TRPV1: variants seen among roughly 807,000 people sequenced by gnomAD.
The protein encoded by TRPV1 is transient receptor potential cation channel subfamily V member 1.
Under a neutral mutation model 82.3 loss-of-function variants are expected in TRPV1, and 82 were observed. That is an observed-to-expected ratio of 1.00 (90% CI 0.83 to 1.20). The LOEUF (loss-of-function observed/expected upper bound fraction) is 1.20. Among genes scored for constraint, TRPV1 ranks in the 50% most tolerant of loss-of-function variants. The pLI, the probability that TRPV1 is intolerant of heterozygous loss-of-function variation, is 0.00. For missense variants in TRPV1, 1,067 were observed against 1,096.8 expected (o/e 0.97, Z 0.38); for synonymous variants, 515 against 467.7 (o/e 1.10, Z -1.30).
chr17:3,577,796 G>C lies in TRPV1; in HGVS notation c.1548-33C>G, dbSNP rs565878520. On this transcript the variant is annotated intron_variant, in intron 11 of 16. Transcript: ENST00000572705. ...TGGAGGGGCAGAAAGCTCCGTCTAC[G>C]GGAACCCAGGAGGCCTGGCACCCCC... 5.7e-6 allele frequency: 9 copies of C among 1,566,450 alleles called. No individual in the cohort carries two copies. The East Asian group carries it at 1.9e-4, about 33-fold the overall frequency.
chr17:3,567,593 C>T (rs1191606776), intron 16 of TRPV1, among the ~76,000 whole-genome samples: 1 of 151,850 alleles, frequency 6.6e-6, no homozygotes, highest in Non-Finnish European at 1.5e-5. Context: ...CCCCTCTCGG[C>T]CTCCATCTCC....
At chr17:3,567,050 C>A in intron 16 of TRPV1, 63 bp from the exon 17 acceptor site, 1 of 1,570,814 alleles carries the variant, frequency 6.4e-7, no homozygotes, top group Admixed American at 1.8e-5. Flanking sequence ...CTTGGCCTCC[C>A]AAGTCTCCAG....
At chr17:3,593,279 G>A (rs2075185265) in intron 2 of TRPV1, among the ~76,000 whole-genome samples, 1 of 152,132 alleles carries the variant, frequency 6.6e-6, no homozygotes. Context: ...CACCATGCGT[G>A]GCTAATGTTT....
intron 9 of TRPV1, among the ~76,000 whole-genome samples, chr17:3,584,575 C>G (rs1220527433): frequency 1.3e-5 from 2 of 151,976 alleles, no homozygotes; most frequent in African/African-American, 4.8e-5. Context: ...GGCAGGCGAT[C>G]ACTTGAGGTC....
At chr17:3,582,997 C>A (rs976447766) in intron 10 of TRPV1, among the ~76,000 whole-genome samples, 2 of 151,558 alleles carry the variant, frequency 1.3e-5, no homozygotes, top group Admixed American at 1.3e-4. Context: ...CTTCACTGCT[C>A]AGAGCTTTAA....
At position 3,606,830 on chromosome 17, in the gene TRPV1, G is replaced by A. The variant is rs77410674; in HGVS notation, c.-34+1597C>T. ...GGGGCCACACCAGGCACAAGGCTGGGCTGCCTGAGCTTGCTGGATGTCCAT... is the reference window on the plus strand; with the variant it reads ...GGGGCCACACCAGGCACAAGGCTGGACTGCCTGAGCTTGCTGGATGTCCAT... On this transcript the variant is annotated intron_variant, in intron 2 of 16. Coordinates refer to ENST00000572705, the MANE Select transcript of TRPV1 (RefSeq NM_080704.4). 8.9e-4 allele frequency among the ~76,000 whole-genome samples: 135 copies of A among 152,296 alleles called. 4 individuals are homozygous for A. In the East Asian group the frequency reaches 0.023, roughly 26 times the overall value.
intron 16 of TRPV1, among the ~76,000 whole-genome samples, chr17:3,568,978 G>C (rs1002468529): frequency 5.9e-5 from 9 of 152,322 alleles, no homozygotes; most frequent in Non-Finnish European, 8.8e-5. Flanking sequence ...GGACATGGGT[G>C]AAGCTGGAAA....
At chr17:3,578,447 C>T (rs940299596) in intron 11 of TRPV1, 4 of 152,216 alleles carry the variant, frequency 2.6e-5, no homozygotes, top group African/African-American at 7.2e-5. Flanking sequence ...GTCAGGAGTT[C>T]AAGACCAGCC....
At chr17:3,598,489 C>T (rs2075237883) in intron 2 of TRPV1, among the ~76,000 whole-genome samples, 1 of 151,902 alleles carries the variant, frequency 6.6e-6, no homozygotes, top group African/African-American at 2.4e-5. Context: ...ATTGCCCAGG[C>T]CGCACGTTGG....
chr17:3,580,562 A>G, intron 10 of TRPV1, 35 bp from the exon 11 acceptor site: 4 of 1,610,402 alleles, frequency 2.5e-6, no homozygotes, highest in Non-Finnish European at 3.4e-6. Flanking sequence ...ATCCCAGGCA[A>G]TGCTCGATGT....
At chr17:3,570,953 G>T (rs2074844327) in intron 16 of TRPV1, among the ~76,000 whole-genome samples, 1 of 152,156 alleles carries the variant, frequency 6.6e-6, no homozygotes, top group Non-Finnish European at 1.5e-5. Context: ...CCGGCCTCAG[G>T]TGATCCACCC....
intron 2 of TRPV1, among the ~76,000 whole-genome samples, chr17:3,605,118 G>T (rs908469832): frequency 6.6e-6 from 1 of 152,060 alleles, no homozygotes; most frequent in Non-Finnish European, 1.5e-5. Flanking sequence ...TTCGCTCTGG[G>T]GTTTGAATCC....
intron 2 of TRPV1, among the ~76,000 whole-genome samples, chr17:3,603,913 T>G (rs983589761): frequency 6.6e-6 from 1 of 152,028 alleles, no homozygotes; most frequent in Non-Finnish European, 1.5e-5. Context: ...AGCAGAGCAG[T>G]AGGGTCAACA....
chr17:3,576,148 G>C (rs1267515276), intron 13 of TRPV1, among the ~76,000 whole-genome samples: 1 of 152,036 alleles, frequency 6.6e-6, no homozygotes. Flanking sequence ...CTTGAACCCT[G>C]GAAGTGGAGG....
intron 8 of TRPV1, 45 bp downstream of exon 8, chr17:3,588,143 T>A: frequency 6.5e-7 from 1 of 1,532,100 alleles, no homozygotes; most frequent in Non-Finnish European, 8.8e-7. Context: ...GGGGCTTGGG[T>A]GCAGAGGCCC....
At chr17:3,601,956 G>A (rs1470619292) in intron 2 of TRPV1, 1 of 152,082 alleles carries the variant, frequency 6.6e-6, no homozygotes, top group East Asian at 1.9e-4. Flanking sequence ...TATGGCAACG[G>A]GCACAGTACT....
Position 3,571,647 on chromosome 17 carries a change from G to GT in TRPV1, c.2232-9dup. ...CAGTTCACCTCGTCCACCCTGCAGG[G>GT]TAAGGGGTCGGGAGAGCCTGAGAGC... On this transcript the variant is annotated splice_polypyrimidine_tract_variant and intron_variant, in intron 15 of 16. Coordinates refer to ENST00000572705, the MANE Select transcript of TRPV1 (RefSeq NM_080704.4). The GT allele has an allele frequency of 6.3e-7, 1 of 1,598,480 alleles. No individual in the cohort carries two copies. The highest frequency in any genetic ancestry group is 8.5e-7 in the Non-Finnish European group (1 of 1,171,638).
chr17:3,581,149 T>C (rs1243570735), intron 10 of TRPV1, among the ~76,000 whole-genome samples: 3 of 140,694 alleles, frequency 2.1e-5, no homozygotes, highest in Non-Finnish European at 4.9e-5. Flanking sequence ...TGGAGCTTTT[T>C]CCTAATTTTT....
chr17:3,606,205 G>A (rs1411789895), intron 2 of TRPV1, among the ~76,000 whole-genome samples: 2 of 152,114 alleles, frequency 1.3e-5, no homozygotes, highest in East Asian at 1.9e-4. Context: ...CAAGTGATCC[G>A]CCCTCCTCGG....
Sources: allele counts gnomAD v4.1 joint callset (sites outside exome capture counted in the v4.1 genomes callset), GRCh38; gene constraint gnomAD v4.1.1; transcripts MANE v1.5; gene names NCBI Gene and HGNC (gene_info 2026-07-23, HGNC 2026-07-21).